Variants in UGT1A4 observed in about 807,000 individuals in gnomAD.
UGT1A4 encodes the protein UDP glucuronosyltransferase family 1 member A4.
UGT1A4 carries 32 observed loss-of-function variants against 41.1 expected under a neutral mutation model. That is an observed-to-expected ratio of 0.78 (90% CI 0.59 to 1.05). The LOEUF is 1.05. Among genes scored for constraint, UGT1A4 ranks in the 50% least tolerant of loss-of-function variants. The probability of loss-of-function intolerance (pLI) is 0.00; values close to 1 mark genes in which losing one functional copy is unlikely to be tolerated. For missense variants in UGT1A4, 748 were observed against 677.4 expected (o/e 1.10, Z -1.16); for synonymous variants, 283 against 265.1 (o/e 1.07, Z -0.66).
intron 1 of UGT1A4, among the ~76,000 whole-genome samples, chr2:233,737,291 C>T (rs771202553): frequency 3.3e-5 from 5 of 152,210 alleles, no homozygotes; most frequent in South Asian, 2.1e-4. Context: ...GCCAGGCTGC[C>T]GCCTCACAGT....
chr2:233,771,958 T>A (rs1232504862), intron 4 of UGT1A4, among the ~76,000 whole-genome samples: 1 of 152,108 alleles, frequency 6.6e-6, no homozygotes, highest in East Asian at 1.9e-4. Context: ...CTACAAAAAA[T>A]TTAAAAATTG....
chr2:233,760,445 G>A (rs2125984169), intron 1 of UGT1A4: 1 of 1,614,212 alleles, frequency 6.2e-7, no homozygotes, highest in Non-Finnish European at 8.5e-7. Context: ...CTGCAGCAGA[G>A]GGGACATGAA....
At chr2:233,747,423 CAA>C (rs113576188) in intron 1 of UGT1A4, 84,087 of 1,608,036 alleles carry the variant, frequency 0.052, 2,713 homozygotes, top group Non-Finnish European at 0.063. Context: ...GCACATCAAA[CAA>C]GAGAAATTTT....
Position 233,767,048 on chromosome 2 carries a change from C to T in UGT1A4, c.882C>T (p.Tyr294=), listed in dbSNP as rs1206098754. Residue 294 remains tyrosine (Y), a synonymous_variant, in exon 2 of 5, where the codon TAC becomes TAT. Transcript: ENST00000373409. ...TCTGGCTCTAGGAATTTGAAGCCTACATTAATGCTTCTGGAGAACATGGAA... is the reference window on the plus strand; with the variant it reads ...TCTGGCTCTAGGAATTTGAAGCCTATATTAATGCTTCTGGAGAACATGGAA... ...GKPLSQEFEA[Y]INASGEHGIV... 1.9e-6 allele frequency: 3 copies of T among 1,614,068 alleles called. No homozygotes were observed. Among genetic ancestry groups the T allele is most frequent in the Admixed American group, 3.3e-5 (2 of 60,010 alleles).
chr2:233,771,260 C>CT (rs891018282), intron 4 of UGT1A4: 6 of 151,570 alleles, frequency 4.0e-5, no homozygotes, highest in Admixed American at 6.6e-5. Flanking sequence ...ATAGGAGTGC[C>CT]TTTTTTTTTC....
chr2:233,760,326 G>T, intron 1 of UGT1A4: 1 of 1,614,028 alleles, frequency 6.2e-7, no homozygotes, highest in Non-Finnish European at 8.5e-7. Flanking sequence ...CACTTGTCCT[G>T]GGCCTGCTGC....
intron 1 of UGT1A4, among the ~76,000 whole-genome samples, chr2:233,746,427 A>G (rs1283364507): frequency 1.3e-5 from 2 of 151,688 alleles, no homozygotes; most frequent in African/African-American, 4.9e-5. Flanking sequence ...CTATTAACTT[A>G]TGTCTTCAGC....
intron 1 of UGT1A4, chr2:233,743,940 C>T: frequency 7.4e-7 from 1 of 1,353,480 alleles, no homozygotes; most frequent in Non-Finnish European, 9.9e-7. Context: ...AACGGCCCAC[C>T]AGGCACTGGC....
chr2:233,772,846 T>C lies in UGT1A4; in HGVS notation c.*287T>C, dbSNP rs1314535454. ...AGGCTGGCATTCTAGATTACTTTTCTTACTCTGAAACATGGCCTGTTTGGG... is the reference window on the plus strand; with the variant it reads ...AGGCTGGCATTCTAGATTACTTTTCCTACTCTGAAACATGGCCTGTTTGGG... On this transcript the variant is annotated 3_prime_UTR_variant, in exon 5 of 5. Transcript: ENST00000373409. 2 of 808,282 alleles carry C rather than the reference T, an allele frequency of 2.5e-6. No individual in the cohort carries two copies. Among genetic ancestry groups the C allele is most frequent in the Non-Finnish European group, 3.5e-6 (2 of 570,582 alleles). 50.1% of individuals were successfully genotyped at this position (808,282 alleles called of 1,614,324 possible). A position where few individuals can be genotyped will look rare whatever the true frequency, so the allele number is the denominator to read the frequency against.
At chr2:233,724,792 G>A (rs992945436) in intron 1 of UGT1A4, among the ~76,000 whole-genome samples, 1 of 140,672 alleles carries the variant, frequency 7.1e-6, no homozygotes, top group Non-Finnish European at 1.5e-5. Flanking sequence ...CTTCCCAGAC[G>A]GGGTGGCGGC....
At chr2:233,747,527 T>G (rs1237082221) in intron 1 of UGT1A4, 2 of 1,605,936 alleles carry the variant, frequency 1.2e-6, no homozygotes, top group African/African-American at 1.3e-5. Context: ...AAACAGAACA[T>G]TTTCTGAAGA....
At chr2:233,758,073 C>T (rs1352690348) in intron 1 of UGT1A4, among the ~76,000 whole-genome samples, 1 of 152,154 alleles carries the variant, frequency 6.6e-6, no homozygotes, top group East Asian at 1.9e-4. Context: ...CTTTCTGGGC[C>T]TAGTTCCTAG....
At chr2:233,720,787 C>G (rs369291144) in intron 1 of UGT1A4, among the ~76,000 whole-genome samples, 1 of 151,128 alleles carries the variant, frequency 6.6e-6, no homozygotes, top group Non-Finnish European at 1.5e-5. Flanking sequence ...CTCACTGCAA[C>G]CTTCACCTCC....
rs1333719360 is a variant in UGT1A4, at chr2:233,772,369, C to T, written c.1415C>T (p.Ala472Val). 23 of 1,614,110 alleles carry T rather than the reference C, an allele frequency of 1.4e-5. No homozygotes were observed. Among genetic ancestry groups the T allele is most frequent in the African/African-American group, 8.0e-5 (6 of 74,934 alleles). ...GAGTTTGTGATGAGGCACAAGGGCG[C>T]GCCACACCTGCGCCCCGCAGCCCAC... Reference protein sequence around the residue: ...WVEFVMRHKGAPHLRPAAHDL... With the variant: ...WVEFVMRHKGVPHLRPAAHDL... Residue 472 changes from alanine to valine, a missense_variant, in exon 5 of 5, where the codon GCG (alanine) becomes GTG (valine). By Grantham distance (64) the Ala-to-Val change is moderately conservative. Transcript: ENST00000373409.
At chr2:233,746,507 C>T (rs1477077635) in intron 1 of UGT1A4, among the ~76,000 whole-genome samples, 1 of 151,718 alleles carries the variant, frequency 6.6e-6, no homozygotes, top group Non-Finnish European at 1.5e-5. Context: ...TTAGTAGCCC[C>T]CAAAGCAAGA....
chr2:233,741,234 T>C (rs1176985414), intron 1 of UGT1A4, among the ~76,000 whole-genome samples: 1 of 151,886 alleles, frequency 6.6e-6, no homozygotes, highest in Non-Finnish European at 1.5e-5. Flanking sequence ...CCACTACCTC[T>C]GAGTGACACT....
intron 1 of UGT1A4, among the ~76,000 whole-genome samples, chr2:233,721,052 T>G (rs1374543797): frequency 6.6e-6 from 1 of 151,950 alleles, no homozygotes; most frequent in Non-Finnish European, 1.5e-5. Context: ...CCCTTTTTTG[T>G]CATATTCACT....
intron 4 of UGT1A4, chr2:233,771,176 C>A (rs887864017): frequency 1.1e-4 from 17 of 152,256 alleles, no homozygotes; most frequent in African/African-American, 4.1e-4. Context: ...CTGGGGATTA[C>A]AATTCAACAT....
chr2:233,738,081 C>G (rs1343758433), intron 1 of UGT1A4, among the ~76,000 whole-genome samples: 1 of 152,154 alleles, frequency 6.6e-6, no homozygotes, highest in Non-Finnish European at 1.5e-5. Context: ...CTCCTAATCT[C>G]ATCATAGTGA....
Sources: allele counts gnomAD v4.1 joint callset (sites outside exome capture counted in the v4.1 genomes callset), GRCh38; gene constraint gnomAD v4.1.1; transcripts MANE v1.5; gene names NCBI Gene and HGNC (gene_info 2026-07-23, HGNC 2026-07-21).